Variants in GPHN observed in about 807,000 individuals in gnomAD.
GPHN encodes the protein gephyrin.
In GPHN, 17 loss-of-function variants were observed where a neutral mutation model predicts 95.5. That is an observed-to-expected ratio of 0.18 (90% CI 0.12 to 0.27). The LOEUF (loss-of-function observed/expected upper bound fraction) is 0.27. GPHN is among the 10% of genes least tolerant of loss of function. GPHN has a pLI of 1.00. For synonymous variants in GPHN, 320 were observed against 322.5 expected, an observed-to-expected ratio of 0.99 and a Z score of 0.08; for missense variants, 660 against 978.1, an observed-to-expected ratio of 0.67 and a Z score of 4.34.
At chr14:67,065,509 A>G (rs2076011787) in intron 11 of GPHN, among the ~76,000 whole-genome samples, 1 of 151,736 alleles carries the variant, frequency 6.6e-6, no homozygotes, top group African/African-American at 2.4e-5. Context: ...TGTCTCGTTG[A>G]TCTAATATTG....
chr14:67,286,012 A>C, the GPHN span, among the ~76,000 whole-genome samples: 1 of 152,210 alleles, frequency 6.6e-6, no homozygotes, highest in African/African-American at 2.4e-5. Flanking sequence ...ATTAGAGAAG[A>C]TGGGAGCTTA....
At chr14:67,070,715 A>AATATATAT (rs1555482658) in intron 11 of GPHN, among the ~76,000 whole-genome samples, 16 of 80,684 alleles carry the variant, frequency 2.0e-4, no homozygotes, top group African/African-American at 5.0e-4. Flanking sequence ...AAAAAAAAAA[A>AATATATAT]ATATATATAT....
chr14:66,654,892 G>A (rs1485398788), intron 1 of GPHN, among the ~76,000 whole-genome samples: 1 of 152,132 alleles, frequency 6.6e-6, no homozygotes, highest in Non-Finnish European at 1.5e-5. Flanking sequence ...CATTTGTTGA[G>A]TTGCTTTTTT....
the GPHN span, among the ~76,000 whole-genome samples, chr14:67,331,273 G>C: frequency 6.6e-6 from 1 of 152,134 alleles, no homozygotes; most frequent in African/African-American, 2.4e-5. Flanking sequence ...TCAAGCTCCC[G>C]GCCCCATGTG....
chr14:67,361,428 T>TGAAA, the GPHN span, among the ~76,000 whole-genome samples: 6 of 152,200 alleles, frequency 3.9e-5, no homozygotes, highest in Non-Finnish European at 7.3e-5. Flanking sequence ...ATAACTTTCT[T>TGAAA]TTTCAACTAT....
rs373821253 is a variant in GPHN, at chr14:66,681,095, A to G, written c.65-12A>G. The stretch of plus-strand genomic sequence containing the variant: ...AAATTAATTTTTTTTTCTTTTCCCC[A>G]TTTCTATTTAGTGAGTGATAGTTGC... On this transcript the variant is annotated splice_polypyrimidine_tract_variant and intron_variant, in intron 1 of 22. Coordinates refer to ENST00000478722, the MANE Select transcript of GPHN (RefSeq NM_020806.5). 3.4e-5 allele frequency: 51 copies of G among 1,501,410 alleles called. No individual in the cohort carries two copies. Among genetic ancestry groups the G allele is most frequent in the Admixed American group, 1.8e-4 (11 of 59,758 alleles). The allele number at this position is 1,501,410 out of a possible 1,614,324, so 93.0% of individuals were successfully genotyped here. A position where few individuals can be genotyped will look rare whatever the true frequency, so the allele number is the denominator to read the frequency against.
the GPHN span, chr14:67,338,713 T>C: frequency 4.3e-6 from 7 of 1,613,698 alleles, no homozygotes; most frequent in South Asian, 1.1e-5. Context: ...TCCAAGTCCT[T>C]CTCAGATTTT....
At chr14:66,951,798 G>A (rs1173083512) in intron 8 of GPHN, among the ~76,000 whole-genome samples, 3 of 152,112 alleles carry the variant, frequency 2.0e-5, no homozygotes, top group East Asian at 3.9e-4. Flanking sequence ...AATTTATAGT[G>A]CAGAATTATA....
rs57933607 is a variant in GPHN, at chr14:67,134,953, C to CTTTTTTTTTTTTTTTTTTTTTTTTTT, written c.1749-8408_1749-8383dup. Among the ~76,000 whole-genome samples the CTTTTTTTTTTTTTTTTTTTTTTTTTT allele has an allele frequency of 4.4e-4, 20 of 45,240 alleles. 1 individual carries two copies. The highest frequency in any genetic ancestry group is 6.3e-4 in the Non-Finnish European group (15 of 23,712). The allele number at this position is 45,240 out of a possible 152,430, so 29.7% of individuals were successfully genotyped here. A position where few individuals can be genotyped will look rare whatever the true frequency, so the allele number is the denominator to read the frequency against. The stretch of plus-strand genomic sequence containing the variant: ...CTTTTTTTCTCTTTCTTTCTTTCTT[C>CTTTTTTTTTTTTTTTTTTTTTTTTTT]TTTTTTTTTTTTTTTTTTTTTTTTT... On this transcript the variant is annotated intron_variant, in intron 17 of 22. Coordinates refer to ENST00000478722, the MANE Select transcript of GPHN (RefSeq NM_020806.5).
chr14:67,576,365 C>T, the GPHN span: 4 of 1,291,180 alleles, frequency 3.1e-6, no homozygotes, highest in Non-Finnish European at 4.5e-6. The surrounding 1 kb of genome is among the most constrained non-coding windows in gnomAD (Gnocchi z 4.0). Context: ...CCACCCCGTC[C>T]CCATCCGATG....
chr14:67,483,627 G>A, the GPHN span, among the ~76,000 whole-genome samples: 1 of 152,184 alleles, frequency 6.6e-6, no homozygotes, highest in African/African-American at 2.4e-5. Context: ...GGTCAAAGCT[G>A]ACAGTCACAG....
chr14:66,595,894 T>C (rs1213008992), intron 1 of GPHN, among the ~76,000 whole-genome samples: 1 of 152,206 alleles, frequency 6.6e-6, no homozygotes, highest in Non-Finnish European at 1.5e-5. Context: ...GTTCTTGTCC[T>C]GTGTCCAGGA....
the GPHN span, chr14:67,312,547 T>A: frequency 1.3e-6 from 2 of 1,587,684 alleles, no homozygotes; most frequent in African/African-American, 2.7e-5. Flanking sequence ...AAGCTCATTT[T>A]GACTATGACC....
intron 2 of GPHN, among the ~76,000 whole-genome samples, chr14:66,747,631 G>A (rs1246955856): frequency 6.6e-6 from 1 of 150,904 alleles, no homozygotes; most frequent in African/African-American, 2.4e-5. Context: ...AAACAAAACT[G>A]CCCCAGAGTT....
chr14:67,600,391 TTGAC>T, the GPHN span: 2 of 546,582 alleles, frequency 3.7e-6, no homozygotes, highest in Non-Finnish European at 3.2e-6. Flanking sequence ...CGGGCCGGCC[TTGAC>T]TGTCTTCGAA....
chr14:67,005,565 T>C (rs73274986), intron 9 of GPHN, among the ~76,000 whole-genome samples: 1,741 of 152,064 alleles, frequency 0.011, 34 homozygotes, highest in African/African-American at 0.04. Flanking sequence ...ATTTTATAAG[T>C]ATGCCTGATT....
chr14:67,645,896 G>A, the GPHN span: 347 of 1,405,722 alleles, frequency 2.5e-4, no homozygotes, highest in African/African-American at 4.3e-3. Flanking sequence ...AGGGTGGGTT[G>A]AGTGTGGATT....
At chr14:67,053,175 GTT>G (rs1249086309) in intron 10 of GPHN, among the ~76,000 whole-genome samples, 1 of 94,064 alleles carries the variant, frequency 1.1e-5, no homozygotes, top group Non-Finnish European at 1.7e-5. Flanking sequence ...GAGCTGGTTT[GTT>G]TTTTTTTTTT....
chr14:66,920,924 T>C (rs1470025079), intron 6 of GPHN, among the ~76,000 whole-genome samples: 1 of 152,218 alleles, frequency 6.6e-6, no homozygotes, highest in Non-Finnish European at 1.5e-5. Context: ...CAAGTGGTGT[T>C]AATTCATTAC....
Sources: gnomAD v4.1 joint callset for allele counts (sites outside exome capture counted in the v4.1 genomes callset) on GRCh38, gnomAD v4.1.1 for gene constraint, Gnocchi (gnomAD v3.1) non-coding constraint, MANE v1.5 for transcripts, NCBI Gene and HGNC (gene_info 2026-07-23, HGNC 2026-07-21) for gene names.